CSMD3: variants seen among roughly 807,000 people sequenced by gnomAD.
CSMD3 encodes the protein CUB and sushi domain-containing protein 3.
Under a neutral mutation model 435.2 loss-of-function variants are expected in CSMD3, and 177 were observed. The ratio of observed to expected loss-of-function variants is 0.41; its 90% confidence interval spans 0.36 to 0.46. The LOEUF (loss-of-function observed/expected upper bound fraction) is 0.46, where lower values mean the gene tolerates loss of function less well. CSMD3 is among the 20% of genes least tolerant of loss of function. The pLI is 0.34. For synonymous variants in CSMD3, 1,656 were observed against 1,520.5 expected (o/e 1.09, Z -2.07); for missense variants, 4,265 against 4,504.6 (o/e 0.95, Z 1.52).
chr8:113,235,998 G>T (rs1379301251), intron 3 of CSMD3, among the ~76,000 whole-genome samples: 2 of 152,118 alleles, frequency 1.3e-5, no homozygotes, highest in Non-Finnish European at 2.9e-5. Context: ...AAAAGCCAAA[G>T]AAGGTATTAG....
chr8:113,206,630 C>G (rs2092774035), intron 3 of CSMD3, among the ~76,000 whole-genome samples: 2 of 152,118 alleles, frequency 1.3e-5, no homozygotes, highest in Admixed American at 6.6e-5. Flanking sequence ...TTTTCCTCAG[C>G]CTTGTACAAT....
At chr8:113,037,559 C>G (rs2087409184) in intron 5 of CSMD3, among the ~76,000 whole-genome samples, 2 of 152,022 alleles carry the variant, frequency 1.3e-5, no homozygotes, top group African/African-American at 4.8e-5. Context: ...CCTCAAATCC[C>G]AGTATGTTGT....
At chr8:112,515,052 T>C (rs1019192592) in intron 28 of CSMD3, among the ~76,000 whole-genome samples, 5 of 152,086 alleles carry the variant, frequency 3.3e-5, no homozygotes, top group Admixed American at 6.6e-5. Context: ...ACTCAGCTTT[T>C]TTTTTTCTAG....
intron 13 of CSMD3, among the ~76,000 whole-genome samples, chr8:112,723,484 A>T (rs6469437): frequency 0.33 from 50,596 of 152,028 alleles, 9,289 homozygotes; most frequent in African/African-American, 0.5. Context: ...AAAGCGTAAG[A>T]TAAATTCTCA....
At chr8:112,730,546 C>A (rs548199066) in intron 13 of CSMD3, among the ~76,000 whole-genome samples, 1 of 152,044 alleles carries the variant, frequency 6.6e-6, no homozygotes, top group Non-Finnish European at 1.5e-5. Flanking sequence ...TGAATATTTA[C>A]TTCATTTGTT....
intron 1 of CSMD3, among the ~76,000 whole-genome samples, chr8:113,337,701 T>C (rs2094087201): frequency 6.6e-6 from 1 of 151,640 alleles, no homozygotes. Flanking sequence ...AGATCAGGAG[T>C]GAAGTTTTGG....
intron 3 of CSMD3, among the ~76,000 whole-genome samples, chr8:113,270,809 G>A (rs187843746): frequency 1.1e-4 from 16 of 150,792 alleles, no homozygotes; most frequent in South Asian, 6.3e-4. Flanking sequence ...GGGACATCAC[G>A]CACCGGGGCC....
At chr8:112,794,799 A>G (rs2078786846) in intron 13 of CSMD3, among the ~76,000 whole-genome samples, 1 of 152,176 alleles carries the variant, frequency 6.6e-6, no homozygotes, top group Non-Finnish European at 1.5e-5. Flanking sequence ...TAACGTACCC[A>G]TAAGTAAAAT....
intron 41 of CSMD3, among the ~76,000 whole-genome samples, chr8:112,345,499 C>T (rs144382945): frequency 6.6e-6 from 1 of 152,156 alleles, no homozygotes; most frequent in Non-Finnish European, 1.5e-5. Flanking sequence ...CACAGAAAGA[C>T]ATATCACATG....
intron 3 of CSMD3, among the ~76,000 whole-genome samples, chr8:113,190,809 G>A (rs950745048): frequency 1.3e-5 from 2 of 151,494 alleles, no homozygotes; most frequent in Non-Finnish European, 3.0e-5. Flanking sequence ...GGTATTCATT[G>A]TTAGGAATAC....
intron 6 of CSMD3, among the ~76,000 whole-genome samples, chr8:113,005,819 T>A (rs2086035678): frequency 6.6e-6 from 1 of 152,052 alleles, no homozygotes; most frequent in South Asian, 2.1e-4. Flanking sequence ...TTATCTCTGG[T>A]TCATCCTAGC....
At chr8:112,228,668 T>C (rs1812797887) in intron 70 of CSMD3, 88 bp downstream of exon 70, 6 of 1,385,650 alleles carry the variant, frequency 4.3e-6, no homozygotes, top group Non-Finnish European at 3.0e-6. Context: ...AGAAGAAAAT[T>C]TGAAATTAAG....
At chr8:112,278,533 C>T (rs1354058506) in intron 59 of CSMD3, among the ~76,000 whole-genome samples, 1 of 152,102 alleles carries the variant, frequency 6.6e-6, no homozygotes, top group Non-Finnish European at 1.5e-5. Flanking sequence ...ATGCTAGGCT[C>T]AGATGAATGT....
intron 9 of CSMD3, among the ~76,000 whole-genome samples, chr8:112,944,208 C>T (rs1360286625): frequency 3.3e-5 from 5 of 151,568 alleles, no homozygotes; most frequent in African/African-American, 9.7e-5. Flanking sequence ...TTCCTAGATG[C>T]GGCGTTACTA....
intron 4 of CSMD3, among the ~76,000 whole-genome samples, chr8:113,116,982 C>T (rs1200269470): frequency 2.0e-5 from 3 of 152,080 alleles, no homozygotes; most frequent in African/African-American, 4.8e-5. Flanking sequence ...CAAGAGGAAA[C>T]ACGGCATAAA....
chr8:112,316,443 A>T (rs1822475112), intron 47 of CSMD3, among the ~76,000 whole-genome samples: 3 of 151,804 alleles, frequency 2.0e-5, no homozygotes, highest in Non-Finnish European at 4.4e-5. Context: ...AAAGGCCAAA[A>T]AAAAGTAAGT....
At chr8:112,249,771 C>T (rs1190009298) in intron 63 of CSMD3, among the ~76,000 whole-genome samples, 2 of 152,042 alleles carry the variant, frequency 1.3e-5, no homozygotes, top group Non-Finnish European at 2.9e-5. Flanking sequence ...TCATGCTATT[C>T]CTACTGCATG....
At chr8:113,053,884 G>A (rs1269653927) in intron 5 of CSMD3, among the ~76,000 whole-genome samples, 6 of 152,024 alleles carry the variant, frequency 3.9e-5, no homozygotes, top group Admixed American at 2.6e-4. Context: ...AGAATCCCAC[G>A]GCCTTAAATT....
At chr8:112,972,016 G>A (rs953883801) in intron 7 of CSMD3, among the ~76,000 whole-genome samples, 14 of 151,886 alleles carry the variant, frequency 9.2e-5, no homozygotes, top group African/African-American at 3.4e-4. Context: ...TTAAATAAAA[G>A]TTATAGTGAG....
Sources: gnomAD v4.1 joint callset for allele counts (sites outside exome capture counted in the v4.1 genomes callset) on GRCh38, gnomAD v4.1.1 for gene constraint, MANE v1.5 for transcripts, NCBI Gene and HGNC (gene_info 2026-07-23, HGNC 2026-07-21) for gene names.